Variants in MBD5 observed in about 807,000 individuals in gnomAD.
The protein encoded by MBD5 is methyl-CpG binding domain protein 5.
In MBD5, 13 loss-of-function variants were observed where a neutral mutation model predicts 117.3. That is an observed-to-expected ratio of 0.11 (90% CI 0.07 to 0.18). The LOEUF is 0.18. Ranked by LOEUF, MBD5 falls within the 10% of genes least tolerant of loss-of-function variation. The pLI is 1.00. For missense variants in MBD5, 1,879 were observed against 2,093.8 expected, an observed-to-expected ratio of 0.90 and a Z score of 2.00; for synonymous variants, 727 against 766.4, an observed-to-expected ratio of 0.95 and a Z score of 0.85.
At chr2:148,277,608 C>A (rs762775135) in intron 3 of MBD5, among the ~76,000 whole-genome samples, 8 of 152,064 alleles carry the variant, frequency 5.3e-5, no homozygotes, top group Non-Finnish European at 8.8e-5. Context: ...ATTACTCAAG[C>A]AATGTAGTTT....
At chr2:148,330,167 C>G (rs115969956) in intron 3 of MBD5, among the ~76,000 whole-genome samples, 1,507 of 147,014 alleles carry the variant, frequency 0.01, 12 homozygotes, top group African/African-American at 0.035. Context: ...ATGAAATGTT[C>G]AGATAGGTTG....
chr2:148,428,546 A>G (rs896482465), intron 4 of MBD5, among the ~76,000 whole-genome samples: 2 of 152,162 alleles, frequency 1.3e-5, no homozygotes, highest in South Asian at 2.1e-4. Context: ...AGACAATCCT[A>G]AGGAAAAAGA....
intron 4 of MBD5, among the ~76,000 whole-genome samples, chr2:148,454,906 T>C (rs1706836949): frequency 6.6e-6 from 1 of 152,138 alleles, no homozygotes; most frequent in Non-Finnish European, 1.5e-5. Flanking sequence ...TCATTGGTGT[T>C]TGATACAGAT....
In MBD5 at chr2:148,300,499, G is replaced by GA. The variant is rs930785023; in HGVS notation, c.-679-41704dup. On this transcript the variant is annotated intron_variant, in intron 3 of 13. Coordinates refer to ENST00000642680, the MANE Select transcript of MBD5 (RefSeq NM_001378120.1). ...AGTCTTGCTTAACAAAAAGAAGAAA[G>GA]AAAAAAAAAAACTAGACACAACTAA... 3.5e-3 allele frequency among the ~76,000 whole-genome samples: 498 copies of GA among 142,710 alleles called. 5 individuals are homozygous for GA. Among genetic ancestry groups the GA allele is most frequent in the African/African-American group, 8.7e-3 (341 of 39,100 alleles). The allele number at this position is 142,710 out of a possible 152,430, so 93.6% of individuals were successfully genotyped here.
chr2:148,041,978 G>T (rs1437407697), intron 1 of MBD5, among the ~76,000 whole-genome samples: 1 of 152,182 alleles, frequency 6.6e-6, no homozygotes, highest in Non-Finnish European at 1.5e-5. Flanking sequence ...ATTTTAATCT[G>T]AGAGAGAGTG....
intron 1 of MBD5, among the ~76,000 whole-genome samples, chr2:148,135,451 T>A (rs575672171): frequency 3.7e-4 from 56 of 152,346 alleles, no homozygotes; most frequent in Admixed American, 2.9e-3. Flanking sequence ...AACTATTTTT[T>A]AATTTAAAAA....
At chr2:148,144,453 T>G (rs370413739) in intron 1 of MBD5, among the ~76,000 whole-genome samples, 2 of 152,364 alleles carry the variant, frequency 1.3e-5, no homozygotes, top group East Asian at 3.9e-4. Context: ...TTAGTTTAAT[T>G]AGATCCCATT....
intron 1 of MBD5, among the ~76,000 whole-genome samples, chr2:148,052,816 A>G (rs780417544): frequency 3.3e-5 from 5 of 152,100 alleles, no homozygotes; most frequent in African/African-American, 9.7e-5. Flanking sequence ...TCTATGCCAT[A>G]AACATGTGAC....
At chr2:148,229,612 T>C (rs1699932533) in intron 2 of MBD5, among the ~76,000 whole-genome samples, 1 of 152,204 alleles carries the variant, frequency 6.6e-6, no homozygotes, top group African/African-American at 2.4e-5. Context: ...CTTCACTTTC[T>C]GTACTTACTC....
chr2:148,345,494 TACAC>T (rs1703089586), intron 4 of MBD5, among the ~76,000 whole-genome samples: 1 of 88,548 alleles, frequency 1.1e-5, no homozygotes, highest in African/African-American at 4.4e-5. Flanking sequence ...CATATGTATA[TACAC>T]ATACATATAC....
At chr2:148,075,143 T>A (rs1695475442) in intron 1 of MBD5, among the ~76,000 whole-genome samples, 1 of 152,178 alleles carries the variant, frequency 6.6e-6, no homozygotes, top group African/African-American at 2.4e-5. Context: ...CAGAATAGAA[T>A]AAGGCAACTA....
At chr2:148,385,413 C>T (rs1443017209) in intron 4 of MBD5, among the ~76,000 whole-genome samples, 1 of 152,148 alleles carries the variant, frequency 6.6e-6, no homozygotes, top group Non-Finnish European at 1.5e-5. Context: ...CAATGAGATA[C>T]CATCTCACAC....
intron 4 of MBD5, among the ~76,000 whole-genome samples, chr2:148,384,164 T>C (rs1704261225): frequency 1.3e-5 from 2 of 152,108 alleles, no homozygotes; most frequent in South Asian, 2.1e-4. Context: ...AAAGAGGAAG[T>C]CAAATTGTCC....
rs188689135 is a variant in MBD5 at position 148,468,516 on chromosome 2, A to G, written c.573A>G (p.Gln191=). 18 of 1,613,912 alleles carry G rather than the reference A, an allele frequency of 1.1e-5. No individual in the cohort carries two copies. Among genetic ancestry groups the G allele is most frequent in the Admixed American group, 1.7e-5 (1 of 59,978 alleles). Residue 191 remains glutamine (Q), a synonymous_variant, in exon 8 of 14, where the codon CAA becomes CAG. Coordinates refer to ENST00000642680, the MANE Select transcript of MBD5 (RefSeq NM_001378120.1). ...LYVQELPGSQ[Q]QELHPVYPRQ... ...TACAAGAACTGCCTGGAAGCCAACA[A>G]CAAGAACTCCACCCTGTCTACCCCC...
At chr2:148,325,602 G>T (rs1702424530) in intron 3 of MBD5, among the ~76,000 whole-genome samples, 1 of 152,130 alleles carries the variant, frequency 6.6e-6, no homozygotes, top group African/African-American at 2.4e-5. Flanking sequence ...ATTTCTTCTA[G>T]ATTTTCTAGT....
intron 3 of MBD5, among the ~76,000 whole-genome samples, chr2:148,299,945 A>G (rs1318371008): frequency 6.6e-6 from 1 of 152,204 alleles, no homozygotes; most frequent in Non-Finnish European, 1.5e-5. Context: ...TTTATGTGTC[A>G]GTGCTTTTGC....
intron 1 of MBD5, among the ~76,000 whole-genome samples, chr2:148,131,697 A>G (rs1697051469): frequency 6.6e-6 from 1 of 152,248 alleles, no homozygotes; most frequent in African/African-American, 2.4e-5. Flanking sequence ...CCCTGTTTCT[A>G]AAACAGACAA....
intron 1 of MBD5, among the ~76,000 whole-genome samples, chr2:148,141,256 T>A (rs533983728): frequency 1.3e-5 from 2 of 152,182 alleles, no homozygotes; most frequent in Non-Finnish European, 2.9e-5. Flanking sequence ...AATACCTCTT[T>A]ACCATTGAGA....
At chr2:148,267,000 A>G (rs539198398) in intron 3 of MBD5, among the ~76,000 whole-genome samples, 2 of 152,290 alleles carry the variant, frequency 1.3e-5, no homozygotes, top group East Asian at 3.9e-4. Context: ...GGGATACAGC[A>G]AAGAATGAAA....
Sources: gnomAD v4.1 joint callset for allele counts (sites outside exome capture counted in the v4.1 genomes callset) on GRCh38, gnomAD v4.1.1 for gene constraint, MANE v1.5 for transcripts, NCBI Gene and HGNC (gene_info 2026-07-23, HGNC 2026-07-21) for gene names.